LAMA2: variants seen among roughly 807,000 people sequenced by gnomAD.
LAMA2 encodes the protein laminin subunit alpha 2.
Under a neutral mutation model 364.8 loss-of-function variants are expected in LAMA2, and 269 were observed. That is an observed-to-expected ratio of 0.74 (90% confidence interval 0.67 to 0.82). The LOEUF (loss-of-function observed/expected upper bound fraction) is 0.82, where lower values mean the gene tolerates loss of function less well. LAMA2 is among the 40% of genes least tolerant of loss of function. The pLI, the probability that LAMA2 is intolerant of heterozygous loss-of-function variation, is 0.00. For missense variants in LAMA2, 3,807 were observed against 3,873.2 expected (o/e 0.98, Z 0.45); for synonymous variants, 1,379 against 1,370.6 (o/e 1.01, Z -0.14).
At position 129,342,327 on chromosome 6, in the gene LAMA2, C is replaced by T. The variant is rs201204005; in HGVS notation, c.4312-16C>T. The T allele has an allele frequency of 7.5e-5, 120 of 1,610,534 alleles. No individual in the cohort carries two copies. The African/African-American group carries it at 1.6e-3, about 21-fold the overall frequency. On this transcript the variant is annotated splice_polypyrimidine_tract_variant and intron_variant, in intron 29 of 64. Transcript: ENST00000421865. ...ACTAAATTAAAAACAAACTTCTTCT[C>T]CCTTTTCCTTTACAGAATTGTCAAC...
Position 129,383,150 on chromosome 6 carries a change from AGACCG to A in LAMA2, c.4992_4996del (p.Gln1666CysfsTer2). The A allele has an allele frequency of 6.2e-7, 1 of 1,613,928 alleles. No homozygotes were observed. Among genetic ancestry groups the A allele is most frequent in the Non-Finnish European group, 8.5e-7 (1 of 1,179,918 alleles). Reference sequence around the variant, plus strand: ...ACCAAAGTGACAGCAGATGGCGAGCAGACCGGACAGGATGCTGAGAGGACCAACAC... The same window carrying A: ...ACCAAAGTGACAGCAGATGGCGAGCAGACAGGATGCTGAGAGGACCAACAC... On this transcript the variant is annotated frameshift_variant, in exon 35 of 65. Coordinates refer to ENST00000421865, the MANE Select transcript of LAMA2 (RefSeq NM_000426.4). LOFTEE classifies it high-confidence loss of function.
intron 8 of LAMA2, chr6:129,157,448 C>T (rs1208327473): frequency 5.2e-6 from 8 of 1,530,926 alleles, no homozygotes; most frequent in Admixed American, 5.0e-5. Context: ...CATCCTTATT[C>T]CACTCTAATT....
intron 21 of LAMA2, among the ~76,000 whole-genome samples, chr6:129,298,151 C>CTCAGTAAAAATCAGCAGATCCTCTTTTG (rs1554265349): frequency 6.6e-6 from 1 of 152,054 alleles, no homozygotes. Context: ...AACACTGCTA[C>CTCAGTAAAAATCAGCAGATCCTCTTTTG]GGCTTGAAAG....
chr6:129,443,566 A>G (rs140481758), intron 44 of LAMA2, among the ~76,000 whole-genome samples: 2 of 152,358 alleles, frequency 1.3e-5, no homozygotes, highest in East Asian at 3.9e-4. Context: ...GAGGATTAAA[A>G]TAGATAAGGT....
chr6:129,207,642 G>C (rs775133290), intron 12 of LAMA2, among the ~76,000 whole-genome samples: 1 of 151,902 alleles, frequency 6.6e-6, no homozygotes, highest in African/African-American at 2.4e-5. Context: ...CTGAAATTTG[G>C]TAAGTTCCAT....
At chr6:129,140,545 G>GT (rs1778064723) in intron 4 of LAMA2, among the ~76,000 whole-genome samples, 1 of 151,996 alleles carries the variant, frequency 6.6e-6, no homozygotes, top group Non-Finnish European at 1.5e-5. Flanking sequence ...GATTTCTCAG[G>GT]TCCTCACAGC....
intron 1 of LAMA2, among the ~76,000 whole-genome samples, chr6:129,008,636 A>C (rs568834928): frequency 2.6e-4 from 40 of 152,334 alleles, no homozygotes; most frequent in Non-Finnish European, 4.3e-4. Flanking sequence ...TATTAAACAT[A>C]GATGCAAAAG....
intron 30 of LAMA2, among the ~76,000 whole-genome samples, chr6:129,343,305 A>G (rs1377928998): frequency 6.6e-6 from 1 of 152,162 alleles, no homozygotes; most frequent in Non-Finnish European, 1.5e-5. Context: ...AATTTGGACA[A>G]TGTGATCTTT....
At chr6:129,182,269 A>T (rs550395111) in intron 10 of LAMA2, among the ~76,000 whole-genome samples, 27 of 151,834 alleles carry the variant, frequency 1.8e-4, no homozygotes, top group Admixed American at 4.0e-4. Flanking sequence ...TGAAATTTGA[A>T]ATGTTTACCA....
chr6:129,315,759 C>G lies in LAMA2; in HGVS notation c.3736-3C>G. 1.9e-6 allele frequency: 3 copies of G among 1,613,882 alleles called. No homozygotes were observed. The highest frequency in any genetic ancestry group is 2.5e-6 in the Non-Finnish European group (3 of 1,179,864). On this transcript the variant is annotated splice_region_variant and splice_polypyrimidine_tract_variant and intron_variant, in intron 25 of 64. Transcript: ENST00000421865. ...TTCCTCATTCTTCTTTTTATTTTGT[C>G]AGTTGATGGCCTATGGGGGCAAACT...
intron 12 of LAMA2, among the ~76,000 whole-genome samples, chr6:129,234,433 T>C (rs1671480137): frequency 6.6e-6 from 1 of 152,162 alleles, no homozygotes; most frequent in Admixed American, 6.6e-5. Flanking sequence ...TTTTTACTTA[T>C]ATCACAGAAT....
At chr6:129,015,454 T>C (rs1363533797) in intron 1 of LAMA2, among the ~76,000 whole-genome samples, 1 of 152,104 alleles carries the variant, frequency 6.6e-6, no homozygotes, top group Admixed American at 6.5e-5. Flanking sequence ...AATATTTTAC[T>C]TAGTAAAGTA....
At chr6:129,047,720 T>G (rs1294608689) in intron 1 of LAMA2, among the ~76,000 whole-genome samples, 1 of 152,224 alleles carries the variant, frequency 6.6e-6, no homozygotes, top group Non-Finnish European at 1.5e-5. Flanking sequence ...ATTTAAACTA[T>G]TTATAATTGC....
At chr6:129,382,505 T>A (rs1188659916) in intron 34 of LAMA2, among the ~76,000 whole-genome samples, 1 of 152,180 alleles carries the variant, frequency 6.6e-6, no homozygotes, top group African/African-American at 2.4e-5. Flanking sequence ...GCTGCATGAT[T>A]CTGTGATTAA....
At chr6:129,451,409 T>C (rs1018282643) in intron 45 of LAMA2, among the ~76,000 whole-genome samples, 1 of 152,084 alleles carries the variant, frequency 6.6e-6, no homozygotes, top group African/African-American at 2.4e-5. Flanking sequence ...CCCCACCTTT[T>C]TGGGGAAGGC....
At chr6:128,928,738 AAAAC>A (rs1464068583) in intron 1 of LAMA2, among the ~76,000 whole-genome samples, 44 of 152,368 alleles carry the variant, frequency 2.9e-4, no homozygotes, top group African/African-American at 1.0e-3. Flanking sequence ...TAATAACACA[AAAAC>A]AAAGCCAAGT....
chr6:128,898,664 G>A (rs997156226), intron 1 of LAMA2, among the ~76,000 whole-genome samples: 1 of 152,102 alleles, frequency 6.6e-6, no homozygotes, highest in Non-Finnish European at 1.5e-5. Flanking sequence ...AATTTTCCAT[G>A]CAATAGGCAA....
At chr6:128,924,812 GTCT>G (rs1778984219) in intron 1 of LAMA2, among the ~76,000 whole-genome samples, 1 of 152,040 alleles carries the variant, frequency 6.6e-6, no homozygotes, top group Non-Finnish European at 1.5e-5. Context: ...ACACAATTAC[GTCT>G]TCTTTTAGAG....
rs1287982169 is a variant in LAMA2, at chr6:128,906,583, G to A, written c.112+23226G>A. ...GCGAAAATTTTCTCCCATTTTGTAG[G>A]TTGCCTGTTCACTCTGATGGTAGTT... On this transcript the variant is annotated intron_variant, in intron 1 of 64. Coordinates refer to ENST00000421865, the MANE Select transcript of LAMA2 (RefSeq NM_000426.4). Among the ~76,000 whole-genome samples the A allele has an allele frequency of 1.1e-4, 16 of 151,204 alleles. No homozygotes were observed. In the East Asian group the frequency reaches 3.1e-3, roughly 29 times the overall value.
Sources: gnomAD v4.1 joint callset for allele counts (sites outside exome capture counted in the v4.1 genomes callset) on GRCh38, gnomAD v4.1.1 for gene constraint, MANE v1.5 for transcripts, NCBI Gene and HGNC (gene_info 2026-07-23, HGNC 2026-07-21) for gene names.